Variants in NBEA observed in about 807,000 individuals in gnomAD.
NBEA encodes the protein neurobeachin.
A neutral mutation model predicts 343.4 loss-of-function variants in NBEA; 44 were observed. That is an observed-to-expected ratio of 0.13 (90% CI 0.10 to 0.16). The LOEUF (loss-of-function observed/expected upper bound fraction) is 0.16, where lower values mean the gene tolerates loss of function less well. NBEA is among the 10% of genes least tolerant of loss of function. The probability of loss-of-function intolerance (pLI) is 1.00; values close to 1 mark genes in which losing one functional copy is unlikely to be tolerated. For missense variants in NBEA, 2,555 were observed against 3,631.3 expected (o/e 0.70, Z 7.62); for synonymous variants, 1,175 against 1,238.7 (o/e 0.95, Z 1.08).
At chr13:35,633,033 A>T (rs2083528510) in intron 49 of NBEA, among the ~76,000 whole-genome samples, 1 of 151,572 alleles carries the variant, frequency 6.6e-6, no homozygotes, top group African/African-American at 2.4e-5. Context: ...AAAAAAAAAA[A>T]TTATCTGGGA....
intron 49 of NBEA, among the ~76,000 whole-genome samples, chr13:35,637,566 G>A (rs973958904): frequency 6.6e-5 from 10 of 152,118 alleles, no homozygotes; most frequent in African/African-American, 2.4e-4. Flanking sequence ...GCTCACACCT[G>A]TAATCCCAGC....
At chr13:34,992,226 G>GTA in intron 1 of NBEA, among the ~76,000 whole-genome samples, 1 of 108,206 alleles carries the variant, frequency 9.2e-6, no homozygotes, top group East Asian at 2.4e-4. Context: ...GTGTATATGT[G>GTA]TGTGTGTGTG....
At chr13:35,502,795 G>T (rs2076938302) in intron 41 of NBEA, among the ~76,000 whole-genome samples, 1 of 152,054 alleles carries the variant, frequency 6.6e-6, no homozygotes, top group African/African-American at 2.4e-5. Flanking sequence ...TGGGATTTGG[G>T]CCTGCAAATA....
chr13:35,086,311 A>G (rs1046246190), intron 10 of NBEA, among the ~76,000 whole-genome samples: 1 of 152,044 alleles, frequency 6.6e-6, no homozygotes, highest in Non-Finnish European at 1.5e-5. Context: ...TAAGTCCTCT[A>G]TTCCAGCTAC....
chr13:35,055,329 T>G (rs1206850394), intron 6 of NBEA, among the ~76,000 whole-genome samples: 3 of 152,136 alleles, frequency 2.0e-5, no homozygotes, highest in Non-Finnish European at 4.4e-5. Flanking sequence ...CTTAAAATGC[T>G]TTTTGATACC....
At chr13:35,135,402 A>G (rs1048119662) in intron 17 of NBEA, among the ~76,000 whole-genome samples, 11 of 152,170 alleles carry the variant, frequency 7.2e-5, no homozygotes, top group Non-Finnish European at 1.6e-4. Context: ...ATGATAGCCA[A>G]AGGAAATTGG....
chr13:35,303,923 C>T (rs1238405375), intron 35 of NBEA, among the ~76,000 whole-genome samples: 3 of 152,180 alleles, frequency 2.0e-5, no homozygotes, highest in Admixed American at 6.5e-5. Flanking sequence ...TGACTTTCCT[C>T]CCAGCATTTA....
intron 23 of NBEA, among the ~76,000 whole-genome samples, chr13:35,162,658 A>G (rs1005479017): frequency 2.6e-5 from 4 of 151,002 alleles, no homozygotes; most frequent in South Asian, 2.1e-4. Flanking sequence ...TTTCCCCCTT[A>G]TATCTCGTGA....
intron 36 of NBEA, among the ~76,000 whole-genome samples, chr13:35,315,934 C>CA (rs915792364): frequency 1.3e-5 from 2 of 151,082 alleles, no homozygotes; most frequent in Non-Finnish European, 3.0e-5. Context: ...TAAAACAAAC[C>CA]AAAAAAAACT....
intron 17 of NBEA, among the ~76,000 whole-genome samples, chr13:35,135,058 A>C (rs541802664): frequency 6.6e-6 from 1 of 152,160 alleles, no homozygotes; most frequent in African/African-American, 2.4e-5. Context: ...AAAAATGGGA[A>C]GGGTAATATC....
chr13:35,011,897 A>T (rs2061503135), intron 1 of NBEA, among the ~76,000 whole-genome samples: 1 of 152,262 alleles, frequency 6.6e-6, no homozygotes, highest in African/African-American at 2.4e-5. Context: ...ACTATCTATA[A>T]TTTTTTTAAT....
chr13:35,217,065 A>G (rs536530885), intron 33 of NBEA, among the ~76,000 whole-genome samples: 1 of 152,080 alleles, frequency 6.6e-6, no homozygotes, highest in South Asian at 2.1e-4. Flanking sequence ...CATTTTTTTA[A>G]GCATTCTGAT....
chr13:34,975,156 A>T (rs951444975), intron 1 of NBEA, among the ~76,000 whole-genome samples: 2 of 152,178 alleles, frequency 1.3e-5, no homozygotes, highest in Non-Finnish European at 2.9e-5. Flanking sequence ...TAATTTCTTA[A>T]GTTCTGTGAG....
intron 33 of NBEA, among the ~76,000 whole-genome samples, chr13:35,229,999 A>G (rs181506516): frequency 8.5e-5 from 13 of 152,262 alleles, no homozygotes; most frequent in African/African-American, 1.7e-4. Context: ...TAAAACTTCT[A>G]ATCTCTTGCT....
chr13:35,546,671 G>A (rs371902640), intron 41 of NBEA, among the ~76,000 whole-genome samples: 1 of 151,434 alleles, frequency 6.6e-6, no homozygotes, highest in Non-Finnish European at 1.5e-5. Context: ...TCCTGCCGCA[G>A]CCTCCCAAGT....
intron 38 of NBEA, among the ~76,000 whole-genome samples, chr13:35,376,875 G>A (rs1197853): frequency 0.24 from 36,161 of 151,978 alleles, 5,835 homozygotes; most frequent in African/African-American, 0.46. Context: ...TGACCATGTG[G>A]TACCCCACTG....
intron 41 of NBEA, among the ~76,000 whole-genome samples, chr13:35,543,520 C>T (rs1297263270): frequency 6.6e-6 from 1 of 152,064 alleles, no homozygotes; most frequent in Non-Finnish European, 1.5e-5. Context: ...ATCTGACTTG[C>T]AAAAGGATTT....
Position 35,475,169 on chromosome 13 carries a change from A to G in NBEA, c.6585+2633A>G, listed in dbSNP as rs2152960631. 3 of 1,614,036 alleles carry G rather than the reference A, an allele frequency of 1.9e-6. No homozygotes were observed. In the South Asian group the frequency reaches 3.3e-5, roughly 18 times the overall value. ...TGAGGTTTGCCTTGAAACAGATCTA[A>G]GTTCGGTAGAAAGTAGTGGGGACAC... On this transcript the variant is annotated intron_variant, in intron 41 of 58. Coordinates refer to ENST00000379939, the MANE Select transcript of NBEA (RefSeq NM_001385012.1).
intron 38 of NBEA, among the ~76,000 whole-genome samples, chr13:35,412,236 A>G (rs1367049829): frequency 6.6e-6 from 1 of 152,176 alleles, no homozygotes; most frequent in South Asian, 2.1e-4. Flanking sequence ...AACCCACAGC[A>G]TTGCGGTACT....
Sources: gnomAD v4.1 joint callset for allele counts (sites outside exome capture counted in the v4.1 genomes callset) on GRCh38, gnomAD v4.1.1 for gene constraint, MANE v1.5 for transcripts, NCBI Gene and HGNC (gene_info 2026-07-23, HGNC 2026-07-21) for gene names.